Variants in ITGA11 observed in about 807,000 individuals in gnomAD.
The protein encoded by ITGA11 is integrin alpha-11.
In ITGA11, 97 loss-of-function variants were observed where a neutral mutation model predicts 141.9. That is an observed-to-expected ratio of 0.68 (90% CI 0.58 to 0.81). The LOEUF is 0.81. Ranked by LOEUF, ITGA11 falls within the 30% of genes least tolerant of loss-of-function variation. The probability of loss-of-function intolerance (pLI) is 0.00; values close to 1 mark genes in which losing one functional copy is unlikely to be tolerated. For missense variants in ITGA11, 1,387 were observed against 1,559.2 expected (o/e 0.89, Z 1.86); for synonymous variants, 658 against 624.6 (o/e 1.05, Z -0.80).
At chr15:68,365,394 A>T (rs767909172) in intron 3 of ITGA11, 5 of 952,926 alleles carry the variant, frequency 5.2e-6, no homozygotes, top group Non-Finnish European at 6.2e-6. Flanking sequence ...GGTGCTTAGG[A>T]GCTGGGTTAT....
At chr15:68,359,298 G>A (rs983478636) in intron 5 of ITGA11, among the ~76,000 whole-genome samples, 1 of 152,132 alleles carries the variant, frequency 6.6e-6, no homozygotes, top group East Asian at 1.9e-4. Context: ...TCAAGCTCTC[G>A]TGCCATTATC....
rs1893155770 is a variant in ITGA11 at position 68,305,280 on chromosome 15, CT to C, written c.3382-1396del. On this transcript the variant is annotated intron_variant, in intron 28 of 29. Transcript: ENST00000315757. The surrounding 1 kb of genome is among the most constrained non-coding windows in gnomAD (Gnocchi z 4.6). ...TCCTCATGGTCTCTGTCTGATGTCA[CT>C]TTATTGGAGAGGCTTTTCCCAACTC... Among the ~76,000 whole-genome samples the C allele has an allele frequency of 6.6e-6, 1 of 152,248 alleles. No individual in the cohort carries two copies. Among genetic ancestry groups the C allele is most frequent in the Non-Finnish European group, 1.5e-5 (1 of 68,042 alleles).
chr15:68,424,526 G>A (rs899387677), intron 1 of ITGA11, among the ~76,000 whole-genome samples: 1 of 152,122 alleles, frequency 6.6e-6, no homozygotes, highest in Non-Finnish European at 1.5e-5. Flanking sequence ...CTGGGGTGGG[G>A]TCTGCACGAC....
At chr15:68,346,310 C>G (rs146870930) in intron 10 of ITGA11, among the ~76,000 whole-genome samples, 65 of 152,310 alleles carry the variant, frequency 4.3e-4, no homozygotes, top group African/African-American at 1.6e-3. Flanking sequence ...TGCAAGGACT[C>G]ACCTTGCTCA....
intron 1 of ITGA11, among the ~76,000 whole-genome samples, chr15:68,414,268 C>T (rs926982028): frequency 6.4e-4 from 97 of 152,320 alleles, no homozygotes; most frequent in African/African-American, 2.3e-3. Context: ...CTTGGAATGA[C>T]AGAGGCTTCT....
intron 2 of ITGA11, among the ~76,000 whole-genome samples, chr15:68,395,261 C>T (rs1398975328): frequency 6.6e-6 from 1 of 152,120 alleles, no homozygotes; most frequent in African/African-American, 2.4e-5. Flanking sequence ...AAAGTCAGAG[C>T]ACTTTTGTCC....
intron 11 of ITGA11, among the ~76,000 whole-genome samples, chr15:68,338,660 C>T (rs887143144): frequency 2.2e-4 from 34 of 152,164 alleles, no homozygotes; most frequent in Non-Finnish European, 1.9e-4. Flanking sequence ...TATTGGCTAA[C>T]GAGCTGAGGA....
Position 68,350,853 on chromosome 15 carries a change from A to C in ITGA11, c.895-71T>G, listed in dbSNP as rs1035257369. On this transcript the variant is annotated intron_variant, in intron 8 of 29. Transcript: ENST00000315757. Reference sequence around the variant, plus strand: ...GACTTTCCCATACACCACACGGCCTAGACCCTGGGGACCCCAGGGTGGGCT... The same window carrying C: ...GACTTTCCCATACACCACACGGCCTCGACCCTGGGGACCCCAGGGTGGGCT... 95 of 1,503,682 alleles carry C rather than the reference A, an allele frequency of 6.3e-5. 1 individual carries two copies. In the Middle Eastern group the frequency reaches 1.3e-3, roughly 20 times the overall value. The allele number at this position is 1,503,682 out of a possible 1,614,324, so 93.1% of individuals were successfully genotyped here. A position where few individuals can be genotyped will look rare whatever the true frequency, so the allele number is the denominator to read the frequency against.
chr15:68,351,816 C>T (rs1000801338), intron 7 of ITGA11, among the ~76,000 whole-genome samples: 2 of 152,014 alleles, frequency 1.3e-5, no homozygotes, highest in Admixed American at 6.5e-5. Flanking sequence ...GGCACGGTGG[C>T]TCACGCCTGT....
At chr15:68,400,920 TATA>T (rs1455102363) in intron 2 of ITGA11, among the ~76,000 whole-genome samples, 10 of 104,698 alleles carry the variant, frequency 9.6e-5, no homozygotes, top group African/African-American at 2.9e-4. Context: ...TAATAAATAT[TATA>T]ATATTATATA....
intron 1 of ITGA11, among the ~76,000 whole-genome samples, chr15:68,425,582 TTCTCCATCCA>T (rs1331182667): frequency 1.3e-5 from 2 of 152,188 alleles, no homozygotes; most frequent in Non-Finnish European, 2.9e-5. Context: ...GGGCTTCAGT[TTCTCCATCCA>T]TCTAATGGAC....
intron 2 of ITGA11, among the ~76,000 whole-genome samples, chr15:68,396,981 A>ATAT (rs1896275164): frequency 2.0e-5 from 1 of 49,874 alleles, no homozygotes; most frequent in Non-Finnish European, 3.2e-5. Context: ...TATATTATAT[A>ATAT]TTATTTATTA....
chr15:68,429,880 C>T (rs56082843), intron 1 of ITGA11, among the ~76,000 whole-genome samples: 2,480 of 152,296 alleles, frequency 0.016, 35 homozygotes, highest in Non-Finnish European at 0.027. Flanking sequence ...AATGATATCT[C>T]CTCCTCCAGG....
intron 18 of ITGA11, among the ~76,000 whole-genome samples, chr15:68,323,779 CTAGCCTT>C (rs2140292688): frequency 6.6e-6 from 1 of 152,306 alleles, no homozygotes; most frequent in African/African-American, 2.4e-5. Context: ...TGAATCCTGC[CTAGCCTT>C]TAAAGTCTGG....
At chr15:68,379,719 G>A (rs1238143613) in intron 2 of ITGA11, among the ~76,000 whole-genome samples, 1 of 152,196 alleles carries the variant, frequency 6.6e-6, no homozygotes, top group African/African-American at 2.4e-5. Flanking sequence ...TTTGCAAGAT[G>A]CCTGACAAAC....
At chr15:68,352,494 G>A (rs960208517) in intron 7 of ITGA11, among the ~76,000 whole-genome samples, 1 of 152,068 alleles carries the variant, frequency 6.6e-6, no homozygotes, top group African/African-American at 2.4e-5. Context: ...TGCCGGGCTG[G>A]CATCAGTATT....
intron 1 of ITGA11, among the ~76,000 whole-genome samples, chr15:68,422,742 C>A (rs1240136147): frequency 6.6e-6 from 1 of 152,186 alleles, no homozygotes; most frequent in Non-Finnish European, 1.5e-5. Context: ...AAACCTCAGG[C>A]AGTTTACCCA....
At chr15:68,380,567 G>A (rs1259975955) in intron 2 of ITGA11, among the ~76,000 whole-genome samples, 1 of 152,206 alleles carries the variant, frequency 6.6e-6, no homozygotes, top group Non-Finnish European at 1.5e-5. Flanking sequence ...AGGGCACAGA[G>A]GAAGGGTTCT....
Position 68,325,210 on chromosome 15 carries a change from A to G in ITGA11, c.2243T>C (p.Phe748Ser). Reference sequence around the variant, plus strand: ...GTCCTCCAGGGAATACTCGACTGAGAAGGTCACTGGCTTCACGTAGTCAGC... The same window carrying G: ...GTCCTCCAGGGAATACTCGACTGAGGAGGTCACTGGCTTCACGTAGTCAGC... The part of the protein sequence containing the change: ...DTADYVKPVT[F>S]SVEYSLEDPD... The change falls in exon 18 of 30, where the codon TTC (phenylalanine) becomes TCC (serine). Residue 748 changes from phenylalanine to serine, a missense_variant. Phe to Ser is a radical substitution (Grantham distance 155). Coordinates refer to ENST00000315757, the MANE Select transcript of ITGA11 (RefSeq NM_001004439.2). This position sits in a 1 kb window ranked among gnomAD's most constrained non-coding sequence, Gnocchi z 5.5. 6.2e-7 allele frequency: 1 copy of G among 1,613,846 alleles called. No individual in the cohort carries two copies. The highest frequency in any genetic ancestry group is 8.5e-7 in the Non-Finnish European group (1 of 1,179,834).
Sources: allele counts gnomAD v4.1 joint callset (sites outside exome capture counted in the v4.1 genomes callset), GRCh38; gene constraint gnomAD v4.1.1; non-coding constraint Gnocchi (gnomAD v3.1); transcripts MANE v1.5; gene names NCBI Gene and HGNC (gene_info 2026-07-23, HGNC 2026-07-21).